Variants in DENR observed in about 807,000 individuals in gnomAD.
The protein encoded by DENR is density-regulated protein.
Under a neutral mutation model 30.6 loss-of-function variants are expected in DENR, and 6 were observed. The observed-to-expected ratio is 0.20, with a 90% CI of 0.11 to 0.39. The LOEUF (loss-of-function observed/expected upper bound fraction) is 0.39. Among genes scored for constraint, DENR ranks in the 10% least tolerant of loss-of-function variants. DENR has a pLI of 1.00. For synonymous variants in DENR, 78 were observed against 72.1 expected, an observed-to-expected ratio of 1.08 and a Z score of -0.41; for missense variants, 141 against 230.9, an observed-to-expected ratio of 0.61 and a Z score of 2.52.
At chr12:122,764,178 C>T (rs906131338) in intron 4 of DENR, among the ~76,000 whole-genome samples, 2 of 152,090 alleles carry the variant, frequency 1.3e-5, no homozygotes, top group Admixed American at 1.3e-4. Context: ...TAGACCACAA[C>T]GGGTAGGGCA....
At chr12:122,768,958 T>C (rs1878923283) in intron 7 of DENR, 37 bp downstream of exon 7, 1 of 1,603,586 alleles carries the variant, frequency 6.2e-7, no homozygotes, top group African/African-American at 1.3e-5. Flanking sequence ...TAGAGATAAG[T>C]TTTTAAAGCA....
At chr12:122,761,536 C>G (rs1452495009) in intron 2 of DENR, among the ~76,000 whole-genome samples, 1 of 151,946 alleles carries the variant, frequency 6.6e-6, no homozygotes, top group Admixed American at 6.6e-5. Flanking sequence ...AAGAAATAAC[C>G]AGGCTGGGAA....
chr12:122,753,778 A>C lies in DENR; in HGVS notation c.77A>C (p.Asp26Ala). The C allele has an allele frequency of 6.2e-7, 1 of 1,614,000 alleles. No homozygotes were observed. Among genetic ancestry groups the C allele is most frequent in the East Asian group, 2.2e-5 (1 of 44,892 alleles). Residue 26 changes from aspartate (D) to alanine (A), a missense_variant, in exon 2 of 8, where the codon GAT becomes GCT. Physicochemically the swap from Asp to Ala is moderately radical, Grantham distance 126. Coordinates refer to ENST00000280557, the MANE Select transcript of DENR (RefSeq NM_003677.5). Reference protein sequence around the residue: ...DPRNSAKLDADYPLRVLYCGV... With the variant: ...DPRNSAKLDAAYPLRVLYCGV... The stretch of plus-strand genomic sequence containing the variant: ...AGGAACAGTGCCAAGTTAGATGCCG[A>C]TTACCCACTTCGAGTCCTTTATTGT...
At chr12:122,758,045 G>T (rs191143840) in intron 2 of DENR, among the ~76,000 whole-genome samples, 1 of 152,120 alleles carries the variant, frequency 6.6e-6, no homozygotes, top group Non-Finnish European at 1.5e-5. Flanking sequence ...GATTGTGGCT[G>T]TTCATTCTCT....
At chr12:122,758,207 G>A (rs1207295182) in intron 2 of DENR, among the ~76,000 whole-genome samples, 2 of 152,180 alleles carry the variant, frequency 1.3e-5, no homozygotes, top group Non-Finnish European at 2.9e-5. Context: ...GAGTAGCGGA[G>A]ATTACAGGCG....
intron 2 of DENR, among the ~76,000 whole-genome samples, chr12:122,756,890 A>T (rs1360334368): frequency 6.6e-6 from 1 of 152,230 alleles, no homozygotes; most frequent in East Asian, 1.9e-4. Flanking sequence ...CCAGGCTATA[A>T]TAAGACTTTA....
chr12:122,758,322 G>A (rs1162890926), intron 2 of DENR, among the ~76,000 whole-genome samples: 2 of 152,020 alleles, frequency 1.3e-5, no homozygotes, highest in African/African-American at 4.8e-5. Flanking sequence ...CACCCGCCTC[G>A]GCCTCCCAAA....
At chr12:122,759,365 A>G (rs1275524511) in intron 2 of DENR, among the ~76,000 whole-genome samples, 1 of 152,212 alleles carries the variant, frequency 6.6e-6, no homozygotes, top group Non-Finnish European at 1.5e-5. Flanking sequence ...GACTTTTTTA[A>G]AGCAAATAAT....
Position 122,758,932 on chromosome 12 carries a change from C to T in DENR, c.107-3255C>T, listed in dbSNP as rs142083787. 2.7e-3 allele frequency among the ~76,000 whole-genome samples: 406 copies of T among 151,512 alleles called. 1 individual carries two copies. The highest frequency in any genetic ancestry group is 0.017 in the Middle Eastern group (5 of 294). ...CAGTCTCAGCTCACTGCAGCCTCTG[C>T]GTCCCAGGATCAAGCGATTCTCCTG... is the stretch of plus-strand genomic sequence containing the variant. On this transcript the variant is annotated intron_variant, in intron 2 of 7. Transcript: ENST00000280557.
At chr12:122,765,873 C>G (rs1430821293) in intron 5 of DENR, among the ~76,000 whole-genome samples, 1 of 152,048 alleles carries the variant, frequency 6.6e-6, no homozygotes, top group Non-Finnish European at 1.5e-5. Flanking sequence ...ATTTTATCTT[C>G]TCATTACTTC....
chr12:122,757,725 G>A (rs984645717), intron 2 of DENR, among the ~76,000 whole-genome samples: 1 of 152,206 alleles, frequency 6.6e-6, no homozygotes, highest in Non-Finnish European at 1.5e-5. Flanking sequence ...GGTAGGAGTT[G>A]AGTCTGGAGA....
At chr12:122,767,656 G>A in intron 6 of DENR, 52 bp downstream of exon 6, 1 of 1,068,752 alleles carries the variant, frequency 9.4e-7, no homozygotes, top group Non-Finnish European at 1.3e-6. Context: ...TTCTCTCTCT[G>A]TCTCCCTCTA....
chr12:122,768,538 T>A (rs1878909426), intron 6 of DENR, among the ~76,000 whole-genome samples: 2 of 152,100 alleles, frequency 1.3e-5, no homozygotes, highest in Admixed American at 1.3e-4. Context: ...TTTATTTTGG[T>A]CTTAATATGA....
intron 6 of DENR, 144 bp downstream of exon 6, chr12:122,767,748 A>T: frequency 2.3e-6 from 1 of 443,708 alleles, no homozygotes; most frequent in Non-Finnish European, 3.9e-6. Context: ...TTGCATTTCT[A>T]ACTATAGCTT....
At chr12:122,768,742 C>T in intron 6 of DENR, 40 bp from the exon 7 acceptor site, 1 of 1,483,608 alleles carries the variant, frequency 6.7e-7, no homozygotes, top group South Asian at 1.3e-5. Flanking sequence ...TTGCACAATT[C>T]CAATTACAGT....
chr12:122,763,567 G>A (rs1025529241), intron 4 of DENR, among the ~76,000 whole-genome samples: 3 of 152,132 alleles, frequency 2.0e-5, no homozygotes, highest in Non-Finnish European at 4.4e-5. Context: ...TGGGCGTGGT[G>A]GCGCATGCCT....
intron 2 of DENR, among the ~76,000 whole-genome samples, chr12:122,758,739 A>G (rs961250275): frequency 6.6e-6 from 1 of 152,158 alleles, no homozygotes; most frequent in Admixed American, 6.6e-5. Flanking sequence ...CAGGAGTTCA[A>G]GGCTGCATGA....
chr12:122,758,956 T>C (rs2135509145), intron 2 of DENR, among the ~76,000 whole-genome samples: 1 of 151,916 alleles, frequency 6.6e-6, no homozygotes, highest in Admixed American at 6.6e-5. Context: ...GCGATTCTCC[T>C]GCCTCAGCCT....
chr12:122,768,573 G>T (rs920694951), intron 6 of DENR, among the ~76,000 whole-genome samples: 11 of 152,070 alleles, frequency 7.2e-5, no homozygotes, highest in African/African-American at 2.7e-4. Context: ...AGATGATTCT[G>T]TTTTTATGTA....
Sources: allele counts gnomAD v4.1 joint callset (sites outside exome capture counted in the v4.1 genomes callset), GRCh38; gene constraint gnomAD v4.1.1; transcripts MANE v1.5; gene names NCBI Gene and HGNC (gene_info 2026-07-23, HGNC 2026-07-21).